SIPA1L1: variants seen among roughly 807,000 people sequenced by gnomAD.
SIPA1L1 encodes the protein signal induced proliferation associated 1 like 1.
In SIPA1L1, 26 loss-of-function variants were observed where a neutral mutation model predicts 162.7. That is an observed-to-expected ratio of 0.16 (90% CI 0.12 to 0.22). The LOEUF (loss-of-function observed/expected upper bound fraction) is 0.22. Among genes scored for constraint, SIPA1L1 ranks in the 10% least tolerant of loss-of-function variants. The pLI is 1.00. For missense variants in SIPA1L1, 1,874 were observed against 2,241.0 expected, an observed-to-expected ratio of 0.84 and a Z score of 3.31; for synonymous variants, 829 against 837.4, an observed-to-expected ratio of 0.99 and a Z score of 0.17.
At chr14:71,709,194 A>C (rs756008756) in intron 16 of SIPA1L1, 28 bp from the exon 17 acceptor site, 5 of 1,567,666 alleles carry the variant, frequency 3.2e-6, no homozygotes, top group Non-Finnish European at 4.3e-6. Flanking sequence ...AAAACTTTGC[A>C]CTCAAATAAA....
At chr14:71,442,979 T>A (rs575622304) in intron 2 of SIPA1L1, among the ~76,000 whole-genome samples, 1 of 152,152 alleles carries the variant, frequency 6.6e-6, no homozygotes, top group African/African-American at 2.4e-5. Flanking sequence ...TAAAAGAGCC[T>A]ATGTTTTTGT....
chr14:71,597,554 G>A (rs997502828), intron 5 of SIPA1L1, among the ~76,000 whole-genome samples: 1 of 152,154 alleles, frequency 6.6e-6, no homozygotes, highest in Non-Finnish European at 1.5e-5. Context: ...TCTTACATAG[G>A]AGAAGTAGTG....
intron 4 of SIPA1L1, among the ~76,000 whole-genome samples, chr14:71,533,042 A>G (rs940409792): frequency 6.6e-6 from 1 of 152,180 alleles, no homozygotes; most frequent in Admixed American, 6.5e-5. Flanking sequence ...ACAAATCAGT[A>G]TCTCAGTATT....
At chr14:71,527,292 C>T (rs986668553) in intron 3 of SIPA1L1, among the ~76,000 whole-genome samples, 1 of 152,028 alleles carries the variant, frequency 6.6e-6, no homozygotes, top group Non-Finnish European at 1.5e-5. Context: ...GGACTATAGG[C>T]GCACACCACC....
chr14:71,580,308 T>C (rs1274840537), intron 4 of SIPA1L1, among the ~76,000 whole-genome samples: 1 of 152,152 alleles, frequency 6.6e-6, no homozygotes, highest in African/African-American at 2.4e-5. Flanking sequence ...GAAGGAGGAC[T>C]GTGAAAAGGA....
At chr14:71,707,955 C>T (rs1339371219) in intron 16 of SIPA1L1, among the ~76,000 whole-genome samples, 1 of 151,086 alleles carries the variant, frequency 6.6e-6, no homozygotes, top group African/African-American at 2.4e-5. Flanking sequence ...TTCGTATTTC[C>T]CTAATAACTA....
chr14:71,379,203 T>C (rs528595559), intron 2 of SIPA1L1, among the ~76,000 whole-genome samples: 1 of 152,360 alleles, frequency 6.6e-6, no homozygotes, highest in South Asian at 2.1e-4. Flanking sequence ...GTTGCCTTTT[T>C]TTCATATTTT....
chr14:71,364,808 C>T (rs1248871057), intron 2 of SIPA1L1, among the ~76,000 whole-genome samples: 29 of 151,540 alleles, frequency 1.9e-4, no homozygotes, highest in Non-Finnish European at 1.5e-4. Context: ...TGCAGTAGTG[C>T]GATCTTGGCT....
chr14:71,600,743 A>G (rs2036638249), intron 5 of SIPA1L1, among the ~76,000 whole-genome samples: 2 of 152,138 alleles, frequency 1.3e-5, no homozygotes. Context: ...GTATTCTTCA[A>G]TTTCGTTCAA....
chr14:71,739,253 G>C lies in SIPA1L1; in HGVS notation c.*92G>C. 2.3e-6 allele frequency: 3 copies of C among 1,305,280 alleles called. No individual in the cohort carries two copies. The highest frequency in any genetic ancestry group is 3.1e-6 in the Non-Finnish European group (3 of 976,328). The allele number at this position is 1,305,280 out of a possible 1,614,324, so 80.9% of individuals were successfully genotyped here. A position where few individuals can be genotyped will look rare whatever the true frequency, so the allele number is the denominator to read the frequency against. On this transcript the variant is annotated 3_prime_UTR_variant, in exon 24 of 24. Transcript: ENST00000381232. The stretch of plus-strand genomic sequence containing the variant: ...TCCCTCCATAGAAAGCATCCTCAGA[G>C]CACCTTCCCTGGCTTCCTACTCTGC...
chr14:71,354,717 A>G (rs1213760163), intron 2 of SIPA1L1, among the ~76,000 whole-genome samples: 1 of 152,202 alleles, frequency 6.6e-6, no homozygotes, highest in Non-Finnish European at 1.5e-5. Context: ...ATGAAATTTT[A>G]AAATGTTTTT....
intron 4 of SIPA1L1, among the ~76,000 whole-genome samples, chr14:71,559,415 A>G (rs1309578446): frequency 1.3e-5 from 2 of 152,150 alleles, no homozygotes; most frequent in African/African-American, 4.8e-5. Context: ...AGTTTTTCCA[A>G]CTTTTCTTAA....
At chr14:71,548,186 A>T (rs563364846) in intron 4 of SIPA1L1, among the ~76,000 whole-genome samples, 74 of 152,356 alleles carry the variant, frequency 4.9e-4, no homozygotes, top group African/African-American at 1.8e-3. Flanking sequence ...TTCAAATTGA[A>T]TTATGTATTT....
At chr14:71,397,244 A>G (rs973165702) in intron 2 of SIPA1L1, among the ~76,000 whole-genome samples, 3 of 151,976 alleles carry the variant, frequency 2.0e-5, no homozygotes, top group Non-Finnish European at 2.9e-5. Flanking sequence ...CTTTGGTCCC[A>G]TTTTTCCTCC....
intron 4 of SIPA1L1, among the ~76,000 whole-genome samples, chr14:71,569,579 G>C (rs987416121): frequency 2.6e-5 from 4 of 152,188 alleles, no homozygotes; most frequent in African/African-American, 9.7e-5. Flanking sequence ...GGGTCCCCCA[G>C]TATAGAAGGG....
At chr14:71,422,621 T>C (rs943979096) in intron 2 of SIPA1L1, among the ~76,000 whole-genome samples, 16 of 152,250 alleles carry the variant, frequency 1.1e-4, no homozygotes, top group African/African-American at 3.9e-4. Flanking sequence ...TACCATAATG[T>C]CTGAAGATTC....
At chr14:71,643,559 G>A (rs1278551080) in intron 7 of SIPA1L1, among the ~76,000 whole-genome samples, 1 of 152,182 alleles carries the variant, frequency 6.6e-6, no homozygotes, top group Non-Finnish European at 1.5e-5. Flanking sequence ...TGAAAAACTA[G>A]TGCAAAGAAA....
At chr14:71,450,873 A>T (rs1232737114) in intron 2 of SIPA1L1, among the ~76,000 whole-genome samples, 1 of 152,206 alleles carries the variant, frequency 6.6e-6, no homozygotes, top group Non-Finnish European at 1.5e-5. Flanking sequence ...AAATAGAACT[A>T]TCATGTGATC....
chr14:71,417,696 A>G (rs912817071), intron 2 of SIPA1L1, among the ~76,000 whole-genome samples: 1 of 151,900 alleles, frequency 6.6e-6, no homozygotes, highest in African/African-American at 2.4e-5. Context: ...CACTTGGTGT[A>G]ACTGTTATTG....
Sources: gnomAD v4.1 joint callset for allele counts (sites outside exome capture counted in the v4.1 genomes callset) on GRCh38, gnomAD v4.1.1 for gene constraint, MANE v1.5 for transcripts, NCBI Gene and HGNC (gene_info 2026-07-23, HGNC 2026-07-21) for gene names.